The following TRAPPC10 variants were observed in gnomAD, a reference collection of about 807,000 sequenced individuals.
The protein encoded by TRAPPC10 is trafficking protein particle complex subunit 10, also known as TRAPP 130 kDa subunit.
Under a neutral mutation model 125.5 loss-of-function variants are expected in TRAPPC10, and 23 were observed. The ratio of observed to expected loss-of-function variants is 0.18; its 90% CI spans 0.13 to 0.26. The LOEUF is 0.26. Ranked by LOEUF, TRAPPC10 falls within the 10% of genes least tolerant of loss-of-function variation. TRAPPC10 has a pLI of 1.00. For missense variants in TRAPPC10, 1,123 were observed against 1,308.4 expected (o/e 0.86, Z 2.19); for synonymous variants, 509 against 518.0 (o/e 0.98, Z 0.24).
chr21:44,064,476 C>G (rs896759808), intron 7 of TRAPPC10, among the ~76,000 whole-genome samples: 2 of 152,130 alleles, frequency 1.3e-5, no homozygotes, highest in African/African-American at 4.8e-5. Context: ...TCTGGTGATT[C>G]TTGTTTCAGG....
rs67865929 is a variant in TRAPPC10 at position 44,081,017 on chromosome 21, CTTTTTTTTTTTTTTTTT to C, written c.1723+894_1723+910del. Among the ~76,000 whole-genome samples, 571 of 97,264 alleles carry C rather than the reference CTTTTTTTTTTTTTTTTT, an allele frequency of 5.9e-3. 9 individuals are homozygous for C. Among genetic ancestry groups the C allele is most frequent in the African/African-American group, 0.023 (544 of 23,894 alleles). 63.8% of individuals were successfully genotyped at this position (97,264 alleles called of 152,430 possible). On this transcript the variant is annotated intron_variant, in intron 13 of 22. Transcript: ENST00000291574. ...CAATATTATTGTTCTTTTTTTTTTT[CTTTTTTTTTTTTTTTTT>C]TTTGACTATCTTGCTCTCTTGCCTG...
rs191437438 is a variant in TRAPPC10, at chr21:44,060,946, A to G, written c.790+1732A>G. ...CACACACACACACACACACACACAC[A>G]CTTTTTTTTTGAGACGGAGTCTTGC... On this transcript the variant is annotated intron_variant, in intron 6 of 22. Coordinates refer to ENST00000291574, the MANE Select transcript of TRAPPC10 (RefSeq NM_003274.5). Among the ~76,000 whole-genome samples, 48 of 144,670 alleles carry G rather than the reference A, an allele frequency of 3.3e-4. 1 individual carries two copies. The highest frequency in any genetic ancestry group is 2.9e-3 in the Admixed American group (42 of 14,518). 94.9% of individuals were successfully genotyped at this position (144,670 alleles called of 152,430 possible).
At position 44,077,721 on chromosome 21, in the gene TRAPPC10, A is replaced by T. The variant is rs375226416; in HGVS notation, c.1406A>T (p.Tyr469Phe). Residue 469 changes from tyrosine (Y) to phenylalanine (F), a missense_variant, in exon 11 of 23, where the codon TAT (tyrosine) becomes TTT (phenylalanine). By Grantham distance (22) the Tyr-to-Phe change is conservative (BLOSUM62 3). Coordinates refer to ENST00000291574, the MANE Select transcript of TRAPPC10 (RefSeq NM_003274.5). ...TTGTCCCATGCCACCATTGAAATGT[A>T]TACAAGCATTGGGAGGATTCGATCT... is the stretch of plus-strand genomic sequence containing the variant. ...LDLSHATIEMYTSIGRIRSAK... is the reference protein window; with the variant it reads ...LDLSHATIEMFTSIGRIRSAK... 1.7e-5 allele frequency: 27 copies of T among 1,610,104 alleles called. No individual in the cohort carries two copies. The highest frequency in any genetic ancestry group is 2.7e-5 in the African/African-American group (2 of 74,890).
intron 7 of TRAPPC10, 119 bp from the exon 8 acceptor site, chr21:44,074,205 G>C: frequency 8.1e-7 from 1 of 1,229,872 alleles, no homozygotes; most frequent in Non-Finnish European, 1.2e-6. Context: ...AGAACTGTTA[G>C]ATGAGGTGGC....
At position 44,044,343 on chromosome 21, in the gene TRAPPC10, T is replaced by C. The variant is rs948673750; in HGVS notation, c.285+6416T>C. ...TTTTTTTTTCAAATCTTGATTATCGTCTATTTAAAAAAAGGAGTAAGTTGA... is the reference window on the plus strand; with the variant it reads ...TTTTTTTTTCAAATCTTGATTATCGCCTATTTAAAAAAAGGAGTAAGTTGA... On this transcript the variant is annotated intron_variant, in intron 3 of 22. Transcript: ENST00000291574. 5.3e-5 allele frequency among the ~76,000 whole-genome samples: 8 copies of C among 151,884 alleles called. No homozygotes were observed. The South Asian group carries it at 8.3e-4, about 16-fold the overall frequency.
chr21:44,016,505 C>T (rs570081159), intron 1 of TRAPPC10, among the ~76,000 whole-genome samples: 4 of 152,232 alleles, frequency 2.6e-5, no homozygotes, highest in Non-Finnish European at 5.9e-5. Flanking sequence ...CATCTGTTGC[C>T]TGTTTCATTT....
chr21:44,090,017 C>G, intron 18 of TRAPPC10, 84 bp downstream of exon 18: 1 of 1,040,030 alleles, frequency 9.6e-7, no homozygotes, highest in Non-Finnish European at 1.5e-6. Flanking sequence ...AACTGGCCTT[C>G]GTGGTGACCA....
rs760051030 is a variant in TRAPPC10, at chr21:44,063,591, T to G, written c.844T>G (p.Leu282Val). Reference sequence around the variant, plus strand: ...CCAGCCAGTGAAGAGCTGGAACGGATTGATCCTCCGAAAACCCATAGATAT... The same window carrying G: ...CCAGCCAGTGAAGAGCTGGAACGGAGTGATCCTCCGAAAACCCATAGATAT... ...FCQPVKSWNG[L>V]ILRKPIDMEK... The change falls in exon 7 of 23, where the codon TTG becomes GTG. Residue 282 changes from leucine to valine, a missense_variant. Leu to Val is a conservative substitution (Grantham distance 32). Coordinates refer to ENST00000291574, the MANE Select transcript of TRAPPC10 (RefSeq NM_003274.5). This position sits in a 1 kb window ranked among gnomAD's most constrained non-coding sequence, Gnocchi z 4.4. 6.2e-7 allele frequency: 1 copy of G among 1,614,190 alleles called. No individual in the cohort carries two copies. Among genetic ancestry groups the G allele is most frequent in the Non-Finnish European group, 8.5e-7 (1 of 1,180,024 alleles).
At chr21:44,044,378 G>A (rs1047099409) in intron 3 of TRAPPC10, among the ~76,000 whole-genome samples, 1 of 150,532 alleles carries the variant, frequency 6.6e-6, no homozygotes, top group African/African-American at 2.5e-5. Context: ...ATAATATTGA[G>A]GATTTTAGAT....
chr21:44,070,421 A>G (rs993239943), intron 7 of TRAPPC10, among the ~76,000 whole-genome samples: 1 of 152,218 alleles, frequency 6.6e-6, no homozygotes, highest in Non-Finnish European at 1.5e-5. Flanking sequence ...AGTTTTCTGG[A>G]GACGGTGAGG....
At chr21:44,093,115 A>G (rs1158953879) in intron 19 of TRAPPC10, among the ~76,000 whole-genome samples, 2 of 152,152 alleles carry the variant, frequency 1.3e-5, no homozygotes, top group Non-Finnish European at 2.9e-5. Flanking sequence ...CTCTTTAATT[A>G]ATTGATGATA....
chr21:44,064,533 C>G (rs2838480), intron 7 of TRAPPC10, among the ~76,000 whole-genome samples: 2 of 151,862 alleles, frequency 1.3e-5, no homozygotes, highest in African/African-American at 4.8e-5. Context: ...ATGATACTTA[C>G]GACCTGAGGA....
intron 7 of TRAPPC10, among the ~76,000 whole-genome samples, chr21:44,068,068 C>T (rs3788102): frequency 0.21 from 31,596 of 149,832 alleles, 3,799 homozygotes; most frequent in African/African-American, 0.33. Context: ...TGCAGTGAGC[C>T]GAGATCATGC....
intron 3 of TRAPPC10, among the ~76,000 whole-genome samples, chr21:44,048,219 C>G (rs1305934680): frequency 6.6e-6 from 1 of 152,284 alleles, no homozygotes; most frequent in Non-Finnish European, 1.5e-5. Flanking sequence ...CACCATGTCC[C>G]TCTCCTCTCC....
chr21:44,019,459 T>C (rs1014746660), intron 1 of TRAPPC10, among the ~76,000 whole-genome samples: 2 of 152,208 alleles, frequency 1.3e-5, no homozygotes, highest in African/African-American at 4.8e-5. Context: ...CCTTCTTTCT[T>C]CCTCAAATCT....
chr21:44,022,492 TTAG>T (rs1187077618), intron 1 of TRAPPC10, among the ~76,000 whole-genome samples: 1 of 138,342 alleles, frequency 7.2e-6, no homozygotes, highest in East Asian at 2.1e-4. Context: ...ACGGGGTTTG[TTAG>T]TAGAGATGGG....
intron 20 of TRAPPC10, among the ~76,000 whole-genome samples, chr21:44,095,130 G>C (rs1046863121): frequency 6.7e-6 from 1 of 149,516 alleles, no homozygotes; most frequent in African/African-American, 2.4e-5. Context: ...GCTCACTGCA[G>C]CCTGGACCTT....
intron 3 of TRAPPC10, chr21:44,047,001 T>C: frequency 1.3e-6 from 1 of 789,732 alleles, no homozygotes; most frequent in Non-Finnish European, 2.2e-6. Flanking sequence ...CGCCTTTGTC[T>C]TGGCCTTTCT....
chr21:44,047,565 T>TGTGCGCGC (rs954810521), intron 3 of TRAPPC10, among the ~76,000 whole-genome samples: 2 of 147,092 alleles, frequency 1.4e-5, no homozygotes, highest in South Asian at 4.4e-4. Flanking sequence ...TGTGTGTGTG[T>TGTGCGCGC]GCGCGCACAC....
Sources: allele counts gnomAD v4.1 joint callset (sites outside exome capture counted in the v4.1 genomes callset), GRCh38; gene constraint gnomAD v4.1.1; non-coding constraint Gnocchi (gnomAD v3.1); transcripts MANE v1.5; gene names NCBI Gene and HGNC (gene_info 2026-07-23, HGNC 2026-07-21).